Variants in RBMS1 observed in about 807,000 individuals in gnomAD.
The protein encoded by RBMS1 is RNA-binding motif, single-stranded-interacting protein 1.
Under a neutral mutation model 62.3 loss-of-function variants are expected in RBMS1, and 17 were observed. The observed-to-expected ratio is 0.27, with a 90% CI of 0.19 to 0.41. The LOEUF is 0.41. Ranked by LOEUF, RBMS1 falls within the 10% of genes least tolerant of loss-of-function variation. The probability of loss-of-function intolerance (pLI) is 1.00; values close to 1 mark genes in which losing one functional copy is unlikely to be tolerated. For synonymous variants in RBMS1, 172 were observed against 170.0 expected (o/e 1.01, Z -0.09); for missense variants, 334 against 504.5 (o/e 0.66, Z 3.24).
At chr2:160,434,941 C>T (rs1683052872) in intron 1 of RBMS1, among the ~76,000 whole-genome samples, 1 of 152,036 alleles carries the variant, frequency 6.6e-6, no homozygotes, top group Non-Finnish European at 1.5e-5. Flanking sequence ...GGTAAGAATC[C>T]CAGGGCAGAA....
At chr2:160,407,979 C>A in intron 1 of RBMS1, 1 of 937,276 alleles carries the variant, frequency 1.1e-6, no homozygotes. Context: ...CGCGCCTCCC[C>A]GCCCGCCCGC....
At chr2:160,479,771 C>G (rs1232842463) in intron 1 of RBMS1, among the ~76,000 whole-genome samples, 1 of 152,154 alleles carries the variant, frequency 6.6e-6, no homozygotes, top group African/African-American at 2.4e-5. Context: ...CCTTCCCATT[C>G]TAACATTCTG....
chr2:160,433,532 T>G (rs1320776128), intron 1 of RBMS1, among the ~76,000 whole-genome samples: 1 of 152,252 alleles, frequency 6.6e-6, no homozygotes, highest in Non-Finnish European at 1.5e-5. Flanking sequence ...AGCTTCACAA[T>G]TAAAACAAGT....
intron 1 of RBMS1, among the ~76,000 whole-genome samples, chr2:160,454,683 T>C (rs1684144585): frequency 6.6e-6 from 1 of 152,170 alleles, no homozygotes; most frequent in Non-Finnish European, 1.5e-5. Context: ...CGAGCCAACC[T>C]AGAACTCCTC....
At chr2:160,356,504 G>A (rs1443401488) in intron 2 of RBMS1, among the ~76,000 whole-genome samples, 1 of 151,726 alleles carries the variant, frequency 6.6e-6, no homozygotes, top group Admixed American at 6.6e-5. Flanking sequence ...GGTACACTTG[G>A]AGAGGCAGAA....
intron 1 of RBMS1, among the ~76,000 whole-genome samples, chr2:160,410,623 A>C (rs1695987288): frequency 6.6e-6 from 1 of 152,258 alleles, no homozygotes. Context: ...GTTCATCTGA[A>C]AAAGTTCCTC....
At chr2:160,475,563 C>T (rs938680252) in intron 1 of RBMS1, among the ~76,000 whole-genome samples, 2 of 152,312 alleles carry the variant, frequency 1.3e-5, no homozygotes, top group African/African-American at 4.8e-5. Context: ...CAGAAAATGT[C>T]GTTGTCTCTT....
At chr2:160,365,255 TTA>T (rs960985534) in intron 2 of RBMS1, among the ~76,000 whole-genome samples, 2 of 152,240 alleles carry the variant, frequency 1.3e-5, no homozygotes, top group African/African-American at 4.8e-5. Flanking sequence ...TCTGTTATTG[TTA>T]TGTTTTGCCT....
At chr2:160,281,392 T>C (rs1169359829) in intron 9 of RBMS1, 28 bp from the exon 10 acceptor site, 13 of 1,568,598 alleles carry the variant, frequency 8.3e-6, no homozygotes, top group African/African-American at 1.4e-5. Flanking sequence ...TTGAAAGAAA[T>C]ATTGATTTTC....
At chr2:160,430,007 A>G (rs571573341) in intron 1 of RBMS1, among the ~76,000 whole-genome samples, 8 of 152,366 alleles carry the variant, frequency 5.3e-5, no homozygotes, top group African/African-American at 1.9e-4. Flanking sequence ...TAGAATCCAC[A>G]TGGAAAGAGA....
At chr2:160,415,731 G>C (rs1415782343) in intron 1 of RBMS1, among the ~76,000 whole-genome samples, 1 of 152,122 alleles carries the variant, frequency 6.6e-6, no homozygotes, top group Non-Finnish European at 1.5e-5. Context: ...ACCTAAGATG[G>C]ATAGCACAAG....
intron 1 of RBMS1, among the ~76,000 whole-genome samples, chr2:160,463,513 G>A (rs1440041996): frequency 6.6e-6 from 1 of 152,220 alleles, no homozygotes; most frequent in Non-Finnish European, 1.5e-5. Context: ...GCCGGGCGCG[G>A]TGGCTCAGGC....
intron 2 of RBMS1, among the ~76,000 whole-genome samples, chr2:160,319,563 T>G (rs1406891357): frequency 6.6e-6 from 1 of 152,202 alleles, no homozygotes; most frequent in Non-Finnish European, 1.5e-5. Flanking sequence ...GAAATGCATT[T>G]AACTTACTCG....
At chr2:160,471,711 ATATAT>A (rs1559593858) in intron 1 of RBMS1, among the ~76,000 whole-genome samples, 36 of 116,644 alleles carry the variant, frequency 3.1e-4, no homozygotes, top group African/African-American at 9.4e-4. Flanking sequence ...ATATATATAT[ATATAT>A]AACCTTTCAT....
At chr2:160,405,071 G>T (rs914222100) in intron 1 of RBMS1, among the ~76,000 whole-genome samples, 2 of 152,168 alleles carry the variant, frequency 1.3e-5, no homozygotes, top group African/African-American at 4.8e-5. Context: ...AATATTGCCT[G>T]CCTCACAGGG....
Position 160,433,381 on chromosome 2 carries a change from G to A in RBMS1, c.75+59908C>T, listed in dbSNP as rs140980880. ...ATGAGCCGAGATTGTGCCACTGCAC[G>A]TTAGCCTGGCCCACAGTGTGAGACC... On this transcript the variant is annotated intron_variant, in intron 1 of 13. Transcript: ENST00000348849. Among the ~76,000 whole-genome samples the A allele has an allele frequency of 8.4e-3, 1,272 of 152,320 alleles. 23 individuals carry two copies. Among genetic ancestry groups the A allele is most frequent in the African/African-American group, 0.027 (1,127 of 41,572 alleles).
intron 7 of RBMS1, among the ~76,000 whole-genome samples, chr2:160,286,725 A>C (rs1300132796): frequency 6.6e-6 from 1 of 152,208 alleles, no homozygotes; most frequent in Non-Finnish European, 1.5e-5. Context: ...GCTAGCTGGT[A>C]AACACAGCTG....
At position 160,346,553 on chromosome 2, in the gene RBMS1, A is replaced by G. The variant is rs530309403; in HGVS notation, c.251+20663T>C. Among the ~76,000 whole-genome samples the G allele has an allele frequency of 4.2e-4, 64 of 152,298 alleles. No individual in the cohort carries two copies. In the South Asian group the frequency reaches 7.0e-3, roughly 17 times the overall value. On this transcript the variant is annotated intron_variant, in intron 2 of 13. Coordinates refer to ENST00000348849, the MANE Select transcript of RBMS1 (RefSeq NM_016836.4). Reference sequence around the variant, plus strand: ...CTGAGTTCTCATGTTGTAAAACTGGAAAAGCTTCCATCATCCGTCCACTCC... The same window carrying G: ...CTGAGTTCTCATGTTGTAAAACTGGGAAAGCTTCCATCATCCGTCCACTCC...
At chr2:160,430,782 A>T (rs1682857833) in intron 1 of RBMS1, among the ~76,000 whole-genome samples, 1 of 152,176 alleles carries the variant, frequency 6.6e-6, no homozygotes, top group Non-Finnish European at 1.5e-5. Flanking sequence ...AAGCACTGAC[A>T]GCTTCAAGTG....
Sources: gnomAD v4.1 joint callset for allele counts (sites outside exome capture counted in the v4.1 genomes callset) on GRCh38, gnomAD v4.1.1 for gene constraint, MANE v1.5 for transcripts, NCBI Gene and HGNC (gene_info 2026-07-23, HGNC 2026-07-21) for gene names.